The following GABRG3 variants were observed in gnomAD, a reference collection of about 807,000 sequenced individuals.
The protein encoded by GABRG3 is gamma-aminobutyric acid receptor subunit gamma-3.
A neutral mutation model predicts 48.8 loss-of-function variants in GABRG3; 25 were observed. The ratio of observed to expected loss-of-function variants is 0.51; its 90% CI spans 0.37 to 0.72. GABRG3 has a LOEUF of 0.72. Among genes scored for constraint, GABRG3 ranks in the 30% least tolerant of loss-of-function variants. The pLI is 0.00. For synonymous variants in GABRG3, 227 were observed against 217.6 expected, an observed-to-expected ratio of 1.04 and a Z score of -0.38; for missense variants, 394 against 577.9, an observed-to-expected ratio of 0.68 and a Z score of 3.26.
intron 6 of GABRG3, among the ~76,000 whole-genome samples, chr15:27,491,400 C>T (rs1365074244): frequency 6.6e-6 from 1 of 152,228 alleles, no homozygotes; most frequent in Admixed American, 6.5e-5. Context: ...CCAGTCCTGG[C>T]TAGGGTTTTC....
chr15:27,198,547 G>T (rs1888580025), intron 3 of GABRG3, among the ~76,000 whole-genome samples: 1 of 152,180 alleles, frequency 6.6e-6, no homozygotes, highest in South Asian at 2.1e-4. Context: ...CACTGTTGGT[G>T]GGAGTGTAAA....
chr15:27,163,058 G>T (rs949917207), intron 3 of GABRG3, among the ~76,000 whole-genome samples: 3 of 151,916 alleles, frequency 2.0e-5, no homozygotes, highest in African/African-American at 7.3e-5. Flanking sequence ...GCCAGTCTCA[G>T]TGTCCCATGT....
At position 27,192,108 on chromosome 15, in the gene GABRG3, G is replaced by A. The variant is rs567558276; in HGVS notation, c.271-134701G>A. On this transcript the variant is annotated intron_variant, in intron 3 of 9. Coordinates refer to ENST00000615808, the MANE Select transcript of GABRG3 (RefSeq NM_033223.5). ...GCCGAGAGATCCGCTTTAGTCTGATGGGCTTCCCTTTGAGGGTAACCCGAC... is the reference window on the plus strand; with the variant it reads ...GCCGAGAGATCCGCTTTAGTCTGATAGGCTTCCCTTTGAGGGTAACCCGAC... Among the ~76,000 whole-genome samples the A allele has an allele frequency of 7.2e-5, 11 of 152,190 alleles. No individual in the cohort carries two copies. The South Asian group carries it at 2.1e-3, about 29-fold the overall frequency.
chr15:27,030,145 G>GA (rs2140685883), intron 3 of GABRG3, among the ~76,000 whole-genome samples: 1 of 152,334 alleles, frequency 6.6e-6, no homozygotes, highest in African/African-American at 2.4e-5. Context: ...GCACAATTTA[G>GA]AGATGCAGAC....
chr15:27,344,893 C>G (rs916712222), intron 5 of GABRG3, among the ~76,000 whole-genome samples: 1 of 152,034 alleles, frequency 6.6e-6, no homozygotes, highest in Admixed American at 6.6e-5. Context: ...GGTACATGCA[C>G]GATGAGGATT....
Position 26,975,817 on chromosome 15 carries a change from A to G in GABRG3, c.54-1185A>G, listed in dbSNP as rs1894931548. ...AGAAAAGAGTTCATATACAGTCAGG[A>G]CAAATCCGCTTCCGTGCAGTTTTCA... On this transcript the variant is annotated intron_variant, in intron 1 of 9. Coordinates refer to ENST00000615808, the MANE Select transcript of GABRG3 (RefSeq NM_033223.5). The surrounding 1 kb of genome is among the most constrained non-coding windows in gnomAD (Gnocchi z 4.6). 1.3e-5 allele frequency among the ~76,000 whole-genome samples: 2 copies of G among 152,346 alleles called. No individual in the cohort carries two copies. The highest frequency in any genetic ancestry group is 4.8e-5 in the African/African-American group (2 of 41,592).
At chr15:27,465,106 A>G (rs1394683975) in intron 5 of GABRG3, among the ~76,000 whole-genome samples, 2 of 152,202 alleles carry the variant, frequency 1.3e-5, no homozygotes, top group Non-Finnish European at 2.9e-5. Flanking sequence ...CCCAGCCTGC[A>G]CGGATCAAGG....
chr15:26,993,776 C>T (rs1895289674), intron 2 of GABRG3, among the ~76,000 whole-genome samples: 1 of 151,956 alleles, frequency 6.6e-6, no homozygotes, highest in Non-Finnish European at 1.5e-5. Flanking sequence ...TCTGGGAGAT[C>T]TTTCAAGTGT....
Position 27,327,178 on chromosome 15 carries a change from A to G in GABRG3, c.491+149A>G, listed in dbSNP as rs144637718. ...CAGCATCCTGAGAAAGTCTGCCCTCATGCAACATGTGTAAAAATAAAAGCA... is the reference window on the plus strand; with the variant it reads ...CAGCATCCTGAGAAAGTCTGCCCTCGTGCAACATGTGTAAAAATAAAAGCA... On this transcript the variant is annotated intron_variant, in intron 4 of 9. Transcript: ENST00000615808. 2.3e-4 allele frequency: 157 copies of G among 674,854 alleles called. No individual in the cohort carries two copies. In the African/African-American group the frequency reaches 2.4e-3, roughly 10 times the overall value. The allele number at this position is 674,854 out of a possible 1,614,324, so 41.8% of individuals were successfully genotyped here.
chr15:27,476,469 G>A (rs1403232010), intron 5 of GABRG3, among the ~76,000 whole-genome samples: 5 of 151,870 alleles, frequency 3.3e-5, no homozygotes, highest in African/African-American at 9.7e-5. Context: ...CAGTGAAAAG[G>A]TAGAAATTGT....
chr15:27,495,407 T>C (rs1890461571), intron 6 of GABRG3, among the ~76,000 whole-genome samples: 1 of 152,232 alleles, frequency 6.6e-6, no homozygotes, highest in Non-Finnish European at 1.5e-5. Flanking sequence ...TCTTGGCTAT[T>C]GTGAATGATG....
chr15:27,245,243 T>A (rs1242097925), intron 3 of GABRG3, among the ~76,000 whole-genome samples: 1 of 152,150 alleles, frequency 6.6e-6, no homozygotes, highest in African/African-American at 2.4e-5. Flanking sequence ...AGTGAGTGAC[T>A]GAAAAAGCTG....
chr15:27,174,607 TCTCTCTCTCTCA>T (rs964573920), intron 3 of GABRG3, among the ~76,000 whole-genome samples: 1 of 151,764 alleles, frequency 6.6e-6, no homozygotes, highest in Admixed American at 6.6e-5. Context: ...TCTCTCTCTC[TCTCTCTCTCTCA>T]CTCTCACATC....
intron 5 of GABRG3, among the ~76,000 whole-genome samples, chr15:27,478,039 T>G (rs1889997404): frequency 7.0e-6 from 1 of 142,454 alleles, no homozygotes. Flanking sequence ...AGAGGGAGAC[T>G]CCATGTCACA....
chr15:27,048,472 G>T (rs753160212), intron 3 of GABRG3, among the ~76,000 whole-genome samples: 6 of 152,168 alleles, frequency 3.9e-5, no homozygotes, highest in Non-Finnish European at 8.8e-5. Flanking sequence ...AGCCCCAGGA[G>T]CTGACCTCAG....
intron 3 of GABRG3, among the ~76,000 whole-genome samples, chr15:27,082,205 T>G (rs17648205): frequency 0.19 from 28,388 of 152,068 alleles, 2,701 homozygotes; most frequent in Middle Eastern, 0.25. Context: ...ATTCACAGGG[T>G]CAACAAGTGT....
chr15:27,072,626 G>A (rs900127370), intron 3 of GABRG3, among the ~76,000 whole-genome samples: 32 of 152,172 alleles, frequency 2.1e-4, no homozygotes, highest in African/African-American at 7.5e-4. Context: ...GAACAGGTCG[G>A]GGGCAGTGCG....
chr15:27,303,091 A>T lies in GABRG3; in HGVS notation c.271-23718A>T, dbSNP rs142893029. ...AACTGGAAAGCAAAGAGTAAAACAG[A>T]CTCAAATCAAGCCAAATTAAGGAAA... is the stretch of plus-strand genomic sequence containing the variant. On this transcript the variant is annotated intron_variant, in intron 3 of 9. Coordinates refer to ENST00000615808, the MANE Select transcript of GABRG3 (RefSeq NM_033223.5). 4.2e-3 allele frequency among the ~76,000 whole-genome samples: 633 copies of T among 151,924 alleles called. 2 individuals are homozygous for T. Among genetic ancestry groups the T allele is most frequent in the African/African-American group, 0.015 (603 of 41,534 alleles).
chr15:27,048,605 CT>C (rs1896404929), intron 3 of GABRG3, among the ~76,000 whole-genome samples: 3 of 152,198 alleles, frequency 2.0e-5, no homozygotes, highest in South Asian at 4.1e-4. Flanking sequence ...GAAACTGCCA[CT>C]GGAGCTAATA....
Sources: gnomAD v4.1 joint callset for allele counts (sites outside exome capture counted in the v4.1 genomes callset) on GRCh38, gnomAD v4.1.1 for gene constraint, Gnocchi (gnomAD v3.1) non-coding constraint, MANE v1.5 for transcripts, NCBI Gene and HGNC (gene_info 2026-07-23, HGNC 2026-07-21) for gene names.